PCDHGB3: variants seen among roughly 807,000 people sequenced by gnomAD.
PCDHGB3 encodes the protein protocadherin gamma-B3.
PCDHGB3 carries 40 observed loss-of-function variants against 59.2 expected under a neutral mutation model. That is an observed-to-expected ratio of 0.68 (90% confidence interval 0.52 to 0.88). PCDHGB3 has a LOEUF of 0.88. PCDHGB3 is among the 40% of genes least tolerant of loss of function. The pLI is 0.00. For missense variants in PCDHGB3, 1,309 were observed against 1,187.9 expected, an observed-to-expected ratio of 1.10 and a Z score of -1.50; for synonymous variants, 581 against 503.6, an observed-to-expected ratio of 1.15 and a Z score of -2.06.
At chr5:141,385,709 A>G (rs2090329249) in intron 1 of PCDHGB3, 1 of 259,144 alleles carries the variant, frequency 3.9e-6, no homozygotes, top group Non-Finnish European at 6.2e-6. Context: ...TAGCATTCAA[A>G]TATGTAAAAG....
rs187713374 is a variant in PCDHGB3, at chr5:141,430,744, C to G, written c.2415+57935C>G. 2.5e-4 allele frequency: 380 copies of G among 1,498,404 alleles called. 1 individual carries two copies. In the African/African-American group the frequency reaches 4.6e-3, roughly 18 times the overall value. The allele number at this position is 1,498,404 out of a possible 1,614,324, so 92.8% of individuals were successfully genotyped here. A position where few individuals can be genotyped will look rare whatever the true frequency, so the allele number is the denominator to read the frequency against. ...GTTAAGGGCAGAATTGAAAATAATTCTGGAGGAAGATAAGAATGATTCCTG... is the reference window on the plus strand; with the variant it reads ...GTTAAGGGCAGAATTGAAAATAATTGTGGAGGAAGATAAGAATGATTCCTG... On this transcript the variant is annotated intron_variant, in intron 1 of 3. Coordinates refer to ENST00000576222, the MANE Select transcript of PCDHGB3 (RefSeq NM_018924.5).
At position 141,512,765 on chromosome 5, in the gene PCDHGB3, G is replaced by C. The variant is rs988707269; in HGVS notation, c.*1592G>C. 1 of 152,668 alleles carries C rather than the reference G, an allele frequency of 6.6e-6. No individual in the cohort carries two copies. The highest frequency in any genetic ancestry group is 1.5e-5 in the Non-Finnish European group (1 of 68,460). The allele number at this position is 152,668 out of a possible 1,614,324, so 9.5% of individuals were successfully genotyped here. On this transcript the variant is annotated 3_prime_UTR_variant, in exon 4 of 4. Transcript: ENST00000576222. ...CCGCGCAGCCGTCTGTCCTTGATCT[G>C]CCCGCGGCGGCCCGTGTTGTGTTTT...
intron 1 of PCDHGB3, chr5:141,417,651 A>C: frequency 1.2e-6 from 1 of 822,038 alleles, no homozygotes; most frequent in African/African-American, 1.7e-5. Context: ...CTCAGCCTCT[A>C]GCCTGGGATT....
chr5:141,383,951 C>CT (rs1779634638), intron 1 of PCDHGB3: 1 of 1,613,676 alleles, frequency 6.2e-7, no homozygotes, highest in African/African-American at 1.3e-5. Context: ...ACTATGACGT[C>CT]TTTAAGTAGC....
In PCDHGB3 at chr5:141,491,511, C is replaced by G. The variant is rs777448782; in HGVS notation, c.2416-3296C>G. 6.2e-7 allele frequency: 1 copy of G among 1,614,080 alleles called. No individual in the cohort carries two copies. The highest frequency in any genetic ancestry group is 8.5e-7 in the Non-Finnish European group (1 of 1,180,018). ...TGCAGGTGAGCTCGGACGGCACGCT[C>G]AAGTACATGGAGGTGACGCTGCGGC... On this transcript the variant is annotated intron_variant, in intron 1 of 3. Transcript: ENST00000576222. This position sits in a 1 kb window ranked among gnomAD's most constrained non-coding sequence, Gnocchi z 6.9.
intron 1 of PCDHGB3, chr5:141,384,713 C>CA: frequency 6.2e-7 from 1 of 1,614,104 alleles, no homozygotes; most frequent in Non-Finnish European, 8.5e-7. Context: ...GCCTGGCTGT[C>CA]ATACCTCCTG....
chr5:141,393,742 A>T, intron 1 of PCDHGB3: 1 of 1,613,902 alleles, frequency 6.2e-7, no homozygotes, highest in Non-Finnish European at 8.5e-7. Flanking sequence ...CTAGATTATG[A>T]AGAATGTTCA....
At chr5:141,401,861 G>T (rs934405271) in intron 1 of PCDHGB3, among the ~76,000 whole-genome samples, 1 of 152,122 alleles carries the variant, frequency 6.6e-6, no homozygotes, top group African/African-American at 2.4e-5. Flanking sequence ...TAACCTTTCA[G>T]TAGTTTTCTT....
At chr5:141,455,537 A>G (rs1158681837) in intron 1 of PCDHGB3, among the ~76,000 whole-genome samples, 2 of 152,162 alleles carry the variant, frequency 1.3e-5, no homozygotes, top group Non-Finnish European at 2.9e-5. Flanking sequence ...CAGGCATATC[A>G]TTCACGTAGC....
chr5:141,387,276 GAAAGAAAGATA>G (rs2090886505), intron 1 of PCDHGB3, among the ~76,000 whole-genome samples: 1 of 152,142 alleles, frequency 6.6e-6, no homozygotes, highest in Non-Finnish European at 1.5e-5. Context: ...TAGGAACAAT[GAAAGAAAGATA>G]AAATGTATCC....
At chr5:141,399,987 A>T in intron 1 of PCDHGB3, 1 of 1,612,224 alleles carries the variant, frequency 6.2e-7, no homozygotes, top group Non-Finnish European at 8.5e-7. Flanking sequence ...TGCGCACAGG[A>T]GAGGTGCGCA....
At chr5:141,478,500 T>C (rs754881921) in intron 1 of PCDHGB3, 16 of 1,612,740 alleles carry the variant, frequency 9.9e-6, no homozygotes, top group Non-Finnish European at 1.4e-5. Context: ...TGTGATCCGG[T>C]GTTCTATAGG....
intron 1 of PCDHGB3, among the ~76,000 whole-genome samples, chr5:141,445,948 G>A (rs538607380): frequency 6.6e-6 from 1 of 152,236 alleles, no homozygotes; most frequent in South Asian, 2.1e-4. Flanking sequence ...GCTTACTCTG[G>A]CTGCTATATG....
chr5:141,372,183 G>C lies in PCDHGB3; in HGVS notation c.1789G>C (p.Asp597His), dbSNP rs770498510. 5 of 1,613,672 alleles carry C rather than the reference G, an allele frequency of 3.1e-6. No individual in the cohort carries two copies. The Admixed American group carries it at 8.3e-5, about 27-fold the overall frequency. The change falls in exon 1 of 4, where the codon GAC becomes CAC. Residue 597 changes from aspartate to histidine, a missense_variant. Physicochemically the swap from Asp to His is moderately conservative, Grantham distance 81 (BLOSUM62 -1). Coordinates refer to ENST00000576222, the MANE Select transcript of PCDHGB3 (RefSeq NM_018924.5). ...GACCAAGGTGGTGGCGGTGGACGCA[G>C]ACTCGGGATACAACGCCTGGCTGTC... ...LVTKVVAVDA[D>H]SGYNAWLSYH...
In PCDHGB3 at chr5:141,494,027, G is replaced by A. The variant is rs77020157; in HGVS notation, c.2416-780G>A. 1.5e-4 allele frequency among the ~76,000 whole-genome samples: 23 copies of A among 152,298 alleles called. No homozygotes were observed. In the East Asian group the frequency reaches 3.3e-3, roughly 22 times the overall value. ...ACACATCAGCCCCTTGGGAGCCCTGGAGACTTAGTTGGCCCTGCTTGGAGG... is the reference window on the plus strand; with the variant it reads ...ACACATCAGCCCCTTGGGAGCCCTGAAGACTTAGTTGGCCCTGCTTGGAGG... On this transcript the variant is annotated intron_variant, in intron 1 of 3. Coordinates refer to ENST00000576222, the MANE Select transcript of PCDHGB3 (RefSeq NM_018924.5).
rs548002755 is a variant in PCDHGB3, at chr5:141,409,062, G to A, written c.2415+36253G>A. On this transcript the variant is annotated intron_variant, in intron 1 of 3. Coordinates refer to ENST00000576222, the MANE Select transcript of PCDHGB3 (RefSeq NM_018924.5). ...TACTACTTCCGAAGCACTGCCCAGAGCACAAAACATATGTTCTCATTGGAT... is the reference window on the plus strand; with the variant it reads ...TACTACTTCCGAAGCACTGCCCAGAACACAAAACATATGTTCTCATTGGAT... The A allele has an allele frequency of 3.1e-6, 5 of 1,614,000 alleles. No homozygotes were observed. The South Asian group carries it at 4.4e-5, about 14-fold the overall frequency.
intron 1 of PCDHGB3, chr5:141,478,557 G>A (rs1316386006): frequency 1.2e-6 from 2 of 1,600,016 alleles, no homozygotes; most frequent in Non-Finnish European, 1.7e-6. Context: ...GTAAGGTTTA[G>A]CAAGTCATGC....
At position 141,485,709 on chromosome 5, in the gene PCDHGB3, C is replaced by A. The variant is rs2099618118; in HGVS notation, c.2416-9098C>A. On this transcript the variant is annotated intron_variant, in intron 1 of 3. Transcript: ENST00000576222. This position sits in a 1 kb window ranked among gnomAD's most constrained non-coding sequence, Gnocchi z 5.7. ...AGGCTGAGCTCCAATGAACACTTTGCACTGGATGTGAAGAAGCGCAGCGAC... is the reference window on the plus strand; with the variant it reads ...AGGCTGAGCTCCAATGAACACTTTGAACTGGATGTGAAGAAGCGCAGCGAC... The A allele has an allele frequency of 1.2e-6, 2 of 1,614,128 alleles. No homozygotes were observed. The highest frequency in any genetic ancestry group is 1.7e-6 in the Non-Finnish European group (2 of 1,180,028).
In PCDHGB3 at chr5:141,393,593, G is replaced by A. The variant is rs2092803808; in HGVS notation, c.2415+20784G>A. ...TTGAGAACATGCCCCCAGGCACGCG[G>A]CTGCTTACTGTAACAGCCAGCGACC... On this transcript the variant is annotated intron_variant, in intron 1 of 3. Transcript: ENST00000576222. The A allele has an allele frequency of 5.0e-6, 8 of 1,613,906 alleles. No individual in the cohort carries two copies. The East Asian group carries it at 1.8e-4, about 36-fold the overall frequency.
Sources: gnomAD v4.1 joint callset for allele counts (sites outside exome capture counted in the v4.1 genomes callset) on GRCh38, gnomAD v4.1.1 for gene constraint, Gnocchi (gnomAD v3.1) non-coding constraint, MANE v1.5 for transcripts, NCBI Gene and HGNC (gene_info 2026-07-23, HGNC 2026-07-21) for gene names.